STK33: variants seen among roughly 807,000 people sequenced by gnomAD.
STK33 encodes the protein serine/threonine kinase 33.
In STK33, 52 loss-of-function variants were observed where a neutral mutation model predicts 58.0. The ratio of observed to expected loss-of-function variants is 0.90; its 90% confidence interval spans 0.72 to 1.13. The LOEUF (loss-of-function observed/expected upper bound fraction) is 1.13, where lower values mean the gene tolerates loss of function less well. STK33 is among the 50% of genes most tolerant of loss of function. STK33 has a pLI of 0.00. For synonymous variants in STK33, 215 were observed against 200.1 expected (o/e 1.07, Z -0.63); for missense variants, 630 against 604.2 (o/e 1.04, Z -0.45).
At chr11:8,501,957 T>C (rs1356613122) in intron 1 of STK33, among the ~76,000 whole-genome samples, 1 of 152,158 alleles carries the variant, frequency 6.6e-6, no homozygotes. Flanking sequence ...TATATGAGTC[T>C]ATTTATATGA....
intron 1 of STK33, among the ~76,000 whole-genome samples, chr11:8,501,233 C>T (rs1951492481): frequency 6.6e-6 from 1 of 152,076 alleles, no homozygotes; most frequent in Admixed American, 6.6e-5. Context: ...TTAAAGGACA[C>T]TATCCAGAAA....
At chr11:8,589,607 TTAAC>T (rs2032275128) in intron 1 of STK33, among the ~76,000 whole-genome samples, 1 of 152,172 alleles carries the variant, frequency 6.6e-6, no homozygotes, top group Non-Finnish European at 1.5e-5. Flanking sequence ...TCACTACTAT[TTAAC>T]TAGTGTGCAC....
At chr11:8,344,954 C>T in the STK33 span, among the ~76,000 whole-genome samples, 2 of 152,200 alleles carry the variant, frequency 1.3e-5, no homozygotes, top group African/African-American at 4.8e-5. Context: ...CTAGAGCTGC[C>T]TCTCCCCTGC....
chr11:8,416,833 A>G (rs1053799514), intron 14 of STK33, among the ~76,000 whole-genome samples: 6 of 152,148 alleles, frequency 3.9e-5, no homozygotes, highest in Non-Finnish European at 8.8e-5. Flanking sequence ...TTTGCCTCCT[A>G]TACTCACTTG....
At chr11:8,435,964 A>G in intron 13 of STK33, 63 bp downstream of exon 13, 1 of 981,168 alleles carries the variant, frequency 1.0e-6, no homozygotes, top group Non-Finnish European at 1.4e-6. Context: ...CATTTTAACC[A>G]CAGGCCAACT....
intron 1 of STK33, among the ~76,000 whole-genome samples, chr11:8,507,870 T>C (rs929693673): frequency 5.3e-5 from 8 of 152,244 alleles, no homozygotes; most frequent in African/African-American, 1.9e-4. Flanking sequence ...ACCTTGTTTT[T>C]ACTTTGTTTT....
chr11:8,418,364 G>A (rs1941427212), intron 14 of STK33, among the ~76,000 whole-genome samples: 1 of 152,004 alleles, frequency 6.6e-6, no homozygotes, highest in South Asian at 2.1e-4. Flanking sequence ...TCCCACGTTA[G>A]TTTGCTAAAG....
chr11:8,533,749 TAA>T (rs1182453111), intron 1 of STK33, among the ~76,000 whole-genome samples: 1 of 152,148 alleles, frequency 6.6e-6, no homozygotes, highest in Non-Finnish European at 1.5e-5. Flanking sequence ...ATATGTAAAA[TAA>T]AGTTTTATTT....
intron 1 of STK33, among the ~76,000 whole-genome samples, chr11:8,517,332 C>T (rs1389931037): frequency 1.3e-5 from 2 of 152,162 alleles, no homozygotes; most frequent in African/African-American, 4.8e-5. Context: ...TCCATCTGTA[C>T]GTCACCATCA....
chr11:8,457,508 G>C (rs778244497), intron 8 of STK33, 29 bp from the exon 9 acceptor site: 3 of 1,529,958 alleles, frequency 2.0e-6, no homozygotes, highest in Non-Finnish European at 8.9e-7. Flanking sequence ...AAGAGAGAGA[G>C]AGCAAATTAT....
chr11:8,337,567 T>C, the STK33 span, among the ~76,000 whole-genome samples: 3 of 145,448 alleles, frequency 2.1e-5, no homozygotes, highest in East Asian at 4.2e-4. Context: ...CAGGGAGGCT[T>C]TGGGACCGCG....
intron 1 of STK33, among the ~76,000 whole-genome samples, chr11:8,593,359 T>C (rs2032915372): frequency 6.6e-6 from 1 of 152,102 alleles, no homozygotes; most frequent in Non-Finnish European, 1.5e-5. Context: ...AGAAGGTCCT[T>C]CTTAGCTGGT....
At chr11:8,504,546 T>C (rs1308058645) in intron 1 of STK33, among the ~76,000 whole-genome samples, 3 of 152,156 alleles carry the variant, frequency 2.0e-5, no homozygotes, top group Admixed American at 1.3e-4. Context: ...CCCAGCACTT[T>C]GGGAGACCAA....
At chr11:8,420,025 G>A (rs1034059272) in intron 14 of STK33, among the ~76,000 whole-genome samples, 1 of 152,026 alleles carries the variant, frequency 6.6e-6, no homozygotes, top group Non-Finnish European at 1.5e-5. Context: ...CTAAGCTGGT[G>A]TTGAACTCCT....
intron 1 of STK33, among the ~76,000 whole-genome samples, chr11:8,490,608 T>A (rs1950538114): frequency 1.3e-5 from 2 of 152,176 alleles, no homozygotes; most frequent in African/African-American, 2.4e-5. Flanking sequence ...ACGGACAGAC[T>A]ACCTCCTCAA....
At chr11:8,540,788 C>G (rs1379493548) in intron 1 of STK33, among the ~76,000 whole-genome samples, 1 of 151,932 alleles carries the variant, frequency 6.6e-6, no homozygotes, top group Non-Finnish European at 1.5e-5. Context: ...ATACAAAATA[C>G]CAGATATGTA....
At position 8,520,295 on chromosome 11, in the gene STK33, C is replaced by G. The variant is rs200667484; in HGVS notation, c.-465-39681G>C. Among the ~76,000 whole-genome samples, 58 of 152,224 alleles carry G rather than the reference C, an allele frequency of 3.8e-4. No homozygotes were observed. In the East Asian group the frequency reaches 8.7e-3, roughly 23 times the overall value. On this transcript the variant is annotated intron_variant, in intron 1 of 15. Coordinates refer to ENST00000687296, the MANE Select transcript of STK33 (RefSeq NM_001352389.2). ...AAGGCCTTTGACAAAATTCAGCAGCCCTTCATGCTAAAAACTCTCAATAAA... is the reference window on the plus strand; with the variant it reads ...AAGGCCTTTGACAAAATTCAGCAGCGCTTCATGCTAAAAACTCTCAATAAA...
intron 1 of STK33, among the ~76,000 whole-genome samples, chr11:8,528,351 C>T (rs1954231147): frequency 6.6e-6 from 1 of 152,172 alleles, no homozygotes. Flanking sequence ...ATACAAAAAA[C>T]AATGTATAGC....
At chr11:8,512,181 A>T (rs780559126) in intron 1 of STK33, among the ~76,000 whole-genome samples, 2 of 152,164 alleles carry the variant, frequency 1.3e-5, no homozygotes, top group Non-Finnish European at 2.9e-5. Flanking sequence ...ATTTCTAGTG[A>T]CTAAGTTTTC....
Sources: allele counts gnomAD v4.1 joint callset (sites outside exome capture counted in the v4.1 genomes callset), GRCh38; gene constraint gnomAD v4.1.1; transcripts MANE v1.5; gene names NCBI Gene and HGNC (gene_info 2026-07-23, HGNC 2026-07-21).